Variants in CADM1 observed in about 807,000 individuals in gnomAD.
CADM1 encodes cell adhesion molecule 1, also known as TSLC-1.
CADM1 carries 15 observed loss-of-function variants against 53.1 expected under a neutral mutation model. That is an observed-to-expected ratio of 0.28 (90% CI 0.19 to 0.44). The LOEUF is 0.44. Among genes scored for constraint, CADM1 ranks in the 20% least tolerant of loss-of-function variants. The pLI is 1.00. For missense variants in CADM1, 434 were observed against 611.3 expected (o/e 0.71, Z 3.06); for synonymous variants, 281 against 243.0 (o/e 1.16, Z -1.45).
chr11:115,315,080 C>A (rs1230380741), intron 1 of CADM1, among the ~76,000 whole-genome samples: 2 of 152,116 alleles, frequency 1.3e-5, no homozygotes, highest in African/African-American at 4.8e-5. Context: ...GAAACAGATG[C>A]TTTGAATCAT....
At chr11:115,402,417 G>A (rs1265488319) in intron 1 of CADM1, among the ~76,000 whole-genome samples, 1 of 152,178 alleles carries the variant, frequency 6.6e-6, no homozygotes, top group Non-Finnish European at 1.5e-5. Flanking sequence ...CAGCTACTCA[G>A]GAGGCTGAGG....
At chr11:115,478,942 T>C (rs963534569) in intron 1 of CADM1, among the ~76,000 whole-genome samples, 32 of 152,134 alleles carry the variant, frequency 2.1e-4, no homozygotes, top group Non-Finnish European at 4.0e-4. Context: ...GACATTTGGA[T>C]TGCTTCCAAT....
At chr11:115,250,054 G>A (rs563849893) in intron 1 of CADM1, among the ~76,000 whole-genome samples, 16 of 152,140 alleles carry the variant, frequency 1.1e-4, no homozygotes, top group Admixed American at 3.3e-4. Context: ...ACAGGCGCCC[G>A]CCACCACCCT....
intron 1 of CADM1, among the ~76,000 whole-genome samples, chr11:115,304,223 C>T (rs1591689645): frequency 6.6e-6 from 1 of 152,074 alleles, no homozygotes; most frequent in East Asian, 1.9e-4. Flanking sequence ...TAATGTTTGC[C>T]ATCAACTCTA....
chr11:115,264,031 A>C (rs1943054962), intron 1 of CADM1, among the ~76,000 whole-genome samples: 1 of 152,198 alleles, frequency 6.6e-6, no homozygotes, highest in Non-Finnish European at 1.5e-5. Flanking sequence ...GATGAGATCG[A>C]GAGTCAAATT....
intron 1 of CADM1, among the ~76,000 whole-genome samples, chr11:115,276,481 C>T (rs971570131): frequency 3.7e-4 from 57 of 152,176 alleles, no homozygotes; most frequent in African/African-American, 1.2e-3. Flanking sequence ...AGTCAACAGA[C>T]AAAGCGGCGT....
intron 1 of CADM1, among the ~76,000 whole-genome samples, chr11:115,322,806 T>C (rs1184718805): frequency 6.6e-6 from 1 of 152,236 alleles, no homozygotes; most frequent in African/African-American, 2.4e-5. Flanking sequence ...TGTTCATCAA[T>C]AAATGGATAT....
At position 115,469,669 on chromosome 11, in the gene CADM1, C is replaced by CTTT. The variant is rs554156174; in HGVS notation, c.124+34599_124+34601dup. Among the ~76,000 whole-genome samples, 248 of 100,430 alleles carry CTTT rather than the reference C, an allele frequency of 2.5e-3. 21 individuals are homozygous for CTTT. Among genetic ancestry groups the CTTT allele is most frequent in the Middle Eastern group, 8.8e-3 (1 of 114 alleles). The allele number at this position is 100,430 out of a possible 152,430, so 65.9% of individuals were successfully genotyped here. On this transcript the variant is annotated intron_variant, in intron 1 of 11. Transcript: ENST00000331581. Reference sequence around the variant, plus strand: ...AACCATACTATCCTCAACTTCTGGGCTTTTTTTTTTTTTTTTTTTCGAGAC... The same window carrying CTTT: ...AACCATACTATCCTCAACTTCTGGGCTTTTTTTTTTTTTTTTTTTTTTCGAGAC...
chr11:115,215,450 C>T (rs773905204), intron 6 of CADM1, among the ~76,000 whole-genome samples: 1 of 152,148 alleles, frequency 6.6e-6, no homozygotes, highest in Non-Finnish European at 1.5e-5. Context: ...GCCTTCTTTA[C>T]TGGCTCTCCA....
intron 1 of CADM1, among the ~76,000 whole-genome samples, chr11:115,371,231 T>C (rs1340371316): frequency 6.6e-6 from 1 of 152,176 alleles, no homozygotes; most frequent in African/African-American, 2.4e-5. Context: ...ACAATAATAA[T>C]GTATTGTGGG....
At chr11:115,218,170 A>T in intron 5 of CADM1, 179 bp from the exon 6 acceptor site, 1 of 629,400 alleles carries the variant, frequency 1.6e-6, no homozygotes, top group East Asian at 2.9e-5. Context: ...ATTGACTAAT[A>T]ACTCTAAGGA....
chr11:115,301,994 T>C (rs1275586113), intron 1 of CADM1, among the ~76,000 whole-genome samples: 1 of 152,008 alleles, frequency 6.6e-6, no homozygotes, highest in East Asian at 1.9e-4. Context: ...TGAAAATATA[T>C]ATGTACATGT....
At chr11:115,266,042 C>T (rs1943124690) in intron 1 of CADM1, among the ~76,000 whole-genome samples, 1 of 152,116 alleles carries the variant, frequency 6.6e-6, no homozygotes, top group African/African-American at 2.4e-5. Flanking sequence ...CTTAATAAGC[C>T]TTCCAGATGA....
At chr11:115,466,522 G>A (rs1009133805) in intron 1 of CADM1, among the ~76,000 whole-genome samples, 1 of 152,106 alleles carries the variant, frequency 6.6e-6, no homozygotes, top group Admixed American at 6.5e-5. Context: ...AGGTTTTTCA[G>A]GAAAGAGAAA....
chr11:115,340,626 T>TTATATATATATATA (rs869156485), intron 1 of CADM1, among the ~76,000 whole-genome samples: 45 of 48,232 alleles, frequency 9.3e-4, no homozygotes, highest in African/African-American at 2.6e-3. Context: ...ATAATAAATA[T>TTATATATATATATA]TATATATATA....
intron 5 of CADM1, among the ~76,000 whole-genome samples, chr11:115,222,052 C>T (rs1322027871): frequency 1.3e-5 from 2 of 152,164 alleles, no homozygotes; most frequent in African/African-American, 4.8e-5. Flanking sequence ...ACTTAGATTT[C>T]ACCCAATATT....
intron 1 of CADM1, among the ~76,000 whole-genome samples, chr11:115,412,355 C>T (rs530978334): frequency 3.3e-5 from 5 of 152,180 alleles, no homozygotes; most frequent in African/African-American, 1.2e-4. Context: ...CCACCATGCC[C>T]AGCTAATTTT....
At chr11:115,267,078 C>T (rs1164982794) in intron 1 of CADM1, among the ~76,000 whole-genome samples, 1 of 152,196 alleles carries the variant, frequency 6.6e-6, no homozygotes, top group Non-Finnish European at 1.5e-5. Context: ...AACACTGTTA[C>T]TGTCTTTGTC....
chr11:115,235,051 A>T (rs1941963951), intron 3 of CADM1, among the ~76,000 whole-genome samples: 1 of 151,984 alleles, frequency 6.6e-6, no homozygotes, highest in Non-Finnish European at 1.5e-5. Flanking sequence ...TTCTGATCTT[A>T]GCTAAGGTTA....
Sources: allele counts gnomAD v4.1 joint callset (sites outside exome capture counted in the v4.1 genomes callset), GRCh38; gene constraint gnomAD v4.1.1; transcripts MANE v1.5; gene names NCBI Gene and HGNC (gene_info 2026-07-23, HGNC 2026-07-21).